RGS12: variants seen among roughly 807,000 people sequenced by gnomAD.
RGS12 encodes regulator of G-protein signaling 12.
A neutral mutation model predicts 120.1 loss-of-function variants in RGS12; 66 were observed. That is an observed-to-expected ratio of 0.55 (90% CI 0.45 to 0.67). RGS12 has a LOEUF of 0.67. Ranked by LOEUF, RGS12 falls within the 30% of genes least tolerant of loss-of-function variation. The probability of loss-of-function intolerance (pLI) is 0.00; values close to 1 mark genes in which losing one functional copy is unlikely to be tolerated. For synonymous variants in RGS12, 827 were observed against 804.7 expected (o/e 1.03, Z -0.47); for missense variants, 1,859 against 1,957.7 (o/e 0.95, Z 0.95).
intron 3 of RGS12, among the ~76,000 whole-genome samples, chr4:3,354,189 A>G (rs114635209): frequency 2.6e-5 from 4 of 152,182 alleles, no homozygotes; most frequent in Non-Finnish European, 5.9e-5. Flanking sequence ...AGCTTGCCCC[A>G]GGAACACCTT....
At chr4:3,436,845 G>A in intron 17 of RGS12, among the ~76,000 whole-genome samples, 1 of 152,190 alleles carries the variant, frequency 6.6e-6, no homozygotes, top group African/African-American at 2.4e-5. Context: ...AGGCTGGACA[G>A]CACAGTCGGA....
intron 1 of RGS12, among the ~76,000 whole-genome samples, chr4:3,296,074 G>A (rs1376116346): frequency 6.7e-6 from 1 of 148,878 alleles, no homozygotes; most frequent in Non-Finnish European, 1.5e-5. Context: ...GTCAGCTTCT[G>A]GGGGCTGGAG....
At chr4:3,346,909 T>A (rs545502898) in intron 3 of RGS12, among the ~76,000 whole-genome samples, 1 of 152,324 alleles carries the variant, frequency 6.6e-6, no homozygotes, top group East Asian at 1.9e-4. Context: ...TCTATGCACG[T>A]TCTCAAATTT....
intron 4 of RGS12, among the ~76,000 whole-genome samples, chr4:3,387,763 T>G (rs2108975574): frequency 6.6e-6 from 1 of 152,338 alleles, no homozygotes; most frequent in Middle Eastern, 3.4e-3. Context: ...TGCCGTGTTC[T>G]CACTTCTCCT....
intron 2 of RGS12, among the ~76,000 whole-genome samples, chr4:3,321,553 G>C (rs74332583): frequency 2.0e-5 from 3 of 151,768 alleles, no homozygotes; most frequent in African/African-American, 7.3e-5. Context: ...ACAGTGCCCC[G>C]TTAGGCTACC....
chr4:3,433,035 T>TGGGCA lies in RGS12; in HGVS notation c.4114+2080_4114+2081insGGGCA, dbSNP rs1724471800. On this transcript the variant is annotated intron_variant, in intron 17 of 17. Transcript: ENST00000336727. This position sits in a 1 kb window ranked among gnomAD's most constrained non-coding sequence, Gnocchi z 4.4. ...CCCCACTCTAATGGGATTCTCTGTA[T>TGGGCA]TGGAGAGTTCACCTGCCCATGGCGG... Among the ~76,000 whole-genome samples, 1 of 152,216 alleles carries TGGGCA rather than the reference T, an allele frequency of 6.6e-6. No homozygotes were observed. The highest frequency in any genetic ancestry group is 2.4e-5 in the African/African-American group (1 of 41,462).
In RGS12 at chr4:3,317,553, T is replaced by A. The variant is rs1172045250; in HGVS notation, c.1383T>A (p.Gly461=). 8 of 1,608,122 alleles carry A rather than the reference T, an allele frequency of 5.0e-6. No homozygotes were observed. Among genetic ancestry groups the A allele is most frequent in the Non-Finnish European group, 6.8e-6 (8 of 1,178,502 alleles). ...GAGGCAGCGCGTGGGACGGTGTGGGTGGGAGGGGTGCCCAGCCCTGGGGTG... is the reference window on the plus strand; with the variant it reads ...GAGGCAGCGCGTGGGACGGTGTGGGAGGGAGGGGTGCCCAGCCCTGGGGTG... ...GPGGSAWDGV[G]GRGAQPWGAP... Residue 461 remains glycine (G), a synonymous_variant, in exon 2 of 18, where the codon GGT becomes GGA. Coordinates refer to ENST00000336727, the MANE Select transcript of RGS12 (RefSeq NM_001394154.1).
At position 3,342,985 on chromosome 4, in the gene RGS12, A is replaced by G; in HGVS notation, c.1930A>G (p.Thr644Ala). 1 of 1,613,908 alleles carries G rather than the reference A, an allele frequency of 6.2e-7. No individual in the cohort carries two copies. The highest frequency in any genetic ancestry group is 8.5e-7 in the Non-Finnish European group (1 of 1,179,982). ...GTGLTQPSQR[T>A]SARRSFGRSK... ...TGGACTCACTCAGCCTTCTCAACGCACGTCTGCTCGGAGATCATTTGGGAG... is the reference window on the plus strand; with the variant it reads ...TGGACTCACTCAGCCTTCTCAACGCGCGTCTGCTCGGAGATCATTTGGGAG... Residue 644 changes from threonine (T) to alanine (A), a missense_variant, in exon 3 of 18, where the codon ACG becomes GCG. Around this residue, in one of 3 missense-constraint regions of RGS12, gnomAD observed 967 missense variants for 994.2 expected, o/e 0.97. Transcript: ENST00000336727.
intron 3 of RGS12, among the ~76,000 whole-genome samples, chr4:3,356,985 G>A (rs1714956605): frequency 6.6e-6 from 1 of 152,112 alleles, no homozygotes; most frequent in South Asian, 2.1e-4. Flanking sequence ...TTCCATAGTG[G>A]CTGCACCACT....
In RGS12 at chr4:3,422,971, T is replaced by C; in HGVS notation, c.3100T>C (p.Leu1034=). Residue 1034 remains leucine (L), a synonymous_variant, in exon 12 of 18, where the codon TTG becomes CTG. Coordinates refer to ENST00000336727, the MANE Select transcript of RGS12 (RefSeq NM_001394154.1). ...SRDLRLEKRT[L]FRLDLVPINR... ...GGACCTGCGCCTAGAAAAGCGCACC[T>C]TGTTTCGGTAAGAGGAAGATCGCTG... The C allele has an allele frequency of 6.2e-7, 1 of 1,612,918 alleles. No individual in the cohort carries two copies. The highest frequency in any genetic ancestry group is 8.5e-7 in the Non-Finnish European group (1 of 1,179,666).
At chr4:3,438,268 G>A (rs892224831) in intron 17 of RGS12, among the ~76,000 whole-genome samples, 8 of 151,978 alleles carry the variant, frequency 5.3e-5, no homozygotes, top group African/African-American at 1.9e-4. Context: ...CACTGAGGAA[G>A]GGAGCTCCTG....
At chr4:3,371,525 A>G (rs774682804) in intron 3 of RGS12, among the ~76,000 whole-genome samples, 2 of 152,214 alleles carry the variant, frequency 1.3e-5, no homozygotes, top group Non-Finnish European at 2.9e-5. Context: ...ATCTGTTTAC[A>G]TGATTTGGAC....
chr4:3,289,176 CATGA>C (rs1722961335), upstream of RGS12, among the ~76,000 whole-genome samples: 1 of 152,194 alleles, frequency 6.6e-6, no homozygotes, highest in Non-Finnish European at 1.5e-5. Context: ...GTAAAACACA[CATGA>C]CGTACAACTT....
intron 1 of RGS12, among the ~76,000 whole-genome samples, chr4:3,311,992 C>G (rs1458007768): frequency 1.3e-5 from 2 of 152,154 alleles, no homozygotes; most frequent in African/African-American, 4.8e-5. Flanking sequence ...AGTGAAGAGG[C>G]TGGGTTAAAT....
intron 7 of RGS12, 43 bp downstream of exon 7, chr4:3,416,164 G>A (rs1341080319): frequency 6.2e-7 from 1 of 1,608,800 alleles, no homozygotes; most frequent in African/African-American, 1.3e-5. Context: ...CCAGGCTAGG[G>A]CTCGGGGTAT....
chr4:3,329,528 C>T (rs1578741998), intron 2 of RGS12, among the ~76,000 whole-genome samples: 1 of 152,108 alleles, frequency 6.6e-6, no homozygotes, highest in African/African-American at 2.4e-5. Flanking sequence ...AGGCTGGTGG[C>T]CTTACCCTGT....
intron 2 of RGS12, among the ~76,000 whole-genome samples, chr4:3,333,385 G>T (rs956325753): frequency 6.6e-6 from 1 of 152,148 alleles, no homozygotes; most frequent in African/African-American, 2.4e-5. Context: ...ATCCTCTCCC[G>T]CCTTGGCCTC....
intron 6 of RGS12, among the ~76,000 whole-genome samples, chr4:3,415,591 C>G (rs1445435817): frequency 6.6e-6 from 1 of 152,180 alleles, no homozygotes; most frequent in Non-Finnish European, 1.5e-5. Context: ...GCTGCTGTTT[C>G]CTCAGTTGGC....
At chr4:3,369,048 G>A (rs978368197) in intron 3 of RGS12, among the ~76,000 whole-genome samples, 41 of 152,154 alleles carry the variant, frequency 2.7e-4, no homozygotes, top group African/African-American at 9.2e-4. Flanking sequence ...TAGCTTGGGC[G>A]GGAGCCCCTT....
Sources: allele counts gnomAD v4.1 joint callset (sites outside exome capture counted in the v4.1 genomes callset), GRCh38; gene constraint gnomAD v4.1.1; regional missense constraint gnomAD v4.1.1; non-coding constraint Gnocchi (gnomAD v3.1); transcripts MANE v1.5; gene names NCBI Gene and HGNC (gene_info 2026-07-23, HGNC 2026-07-21).